NCKAP5: variants seen among roughly 807,000 people sequenced by gnomAD.
NCKAP5 encodes the protein nck-associated protein 5.
Under a neutral mutation model 167.0 loss-of-function variants are expected in NCKAP5, and 92 were observed. That is an observed-to-expected ratio of 0.55 (90% CI 0.47 to 0.66). The LOEUF (loss-of-function observed/expected upper bound fraction) is 0.66. NCKAP5 is among the 30% of genes least tolerant of loss of function. NCKAP5 has a pLI of 0.00. For missense variants in NCKAP5, 2,378 were observed against 2,315.0 expected (o/e 1.03, Z -0.56); for synonymous variants, 891 against 877.4 (o/e 1.02, Z -0.27).
intron 5 of NCKAP5, among the ~76,000 whole-genome samples, chr2:133,148,458 T>G (rs2083277123): frequency 6.6e-6 from 1 of 152,306 alleles, no homozygotes; most frequent in South Asian, 2.1e-4. Context: ...ACTTTTGCTT[T>G]TCTTAAAGTG....
chr2:132,993,970 A>G (rs2077518492), intron 7 of NCKAP5, among the ~76,000 whole-genome samples, 182 bp downstream of exon 7: 1 of 152,256 alleles, frequency 6.6e-6, no homozygotes, highest in Admixed American at 6.5e-5. Flanking sequence ...GTAGGAGTTT[A>G]TGAAATGAAT....
At chr2:133,318,181 A>C (rs1681749806) in intron 3 of NCKAP5, among the ~76,000 whole-genome samples, 1 of 152,190 alleles carries the variant, frequency 6.6e-6, no homozygotes, top group Admixed American at 6.5e-5. Flanking sequence ...GTCAATTGCC[A>C]ATCATACAGG....
At chr2:132,882,975 T>C (rs1691886724) in intron 8 of NCKAP5, among the ~76,000 whole-genome samples, 1 of 152,034 alleles carries the variant, frequency 6.6e-6, no homozygotes. Flanking sequence ...GGAGGATCCC[T>C]TGAGCCCAGG....
At chr2:132,907,919 A>G (rs896575384) in intron 8 of NCKAP5, among the ~76,000 whole-genome samples, 6 of 152,018 alleles carry the variant, frequency 3.9e-5, no homozygotes, top group Non-Finnish European at 7.4e-5. Flanking sequence ...ATCCTCCCAA[A>G]GTGCTGGGAT....
intron 4 of NCKAP5, among the ~76,000 whole-genome samples, chr2:133,288,633 A>G (rs890911457): frequency 6.6e-6 from 1 of 151,904 alleles, no homozygotes; most frequent in East Asian, 1.9e-4. Context: ...ATTATTCAAT[A>G]GAATAATTTC....
intron 8 of NCKAP5, among the ~76,000 whole-genome samples, chr2:132,912,763 A>G (rs1694553272): frequency 6.6e-6 from 1 of 152,202 alleles, no homozygotes; most frequent in African/African-American, 2.4e-5. Context: ...TTTCAGCAGG[A>G]ACACGATAGC....
the NCKAP5 span, among the ~76,000 whole-genome samples, chr2:133,597,235 G>A: frequency 6.6e-6 from 1 of 152,194 alleles, no homozygotes; most frequent in East Asian, 1.9e-4. Context: ...AACTGCACCA[G>A]TGTGACCTGG....
At chr2:133,588,453 TCCTTCCTTCCTC>T in the NCKAP5 span, among the ~76,000 whole-genome samples, 5 of 129,520 alleles carry the variant, frequency 3.9e-5, no homozygotes, top group Non-Finnish European at 8.4e-5. Context: ...CCTAATTCAT[TCCTTCCTTCCTC>T]CCTTCCTTCC....
chr2:133,307,652 T>G (rs570591469), intron 3 of NCKAP5, among the ~76,000 whole-genome samples: 6 of 152,134 alleles, frequency 3.9e-5, no homozygotes, highest in Non-Finnish European at 8.8e-5. Flanking sequence ...ATTAAGTAGC[T>G]CCTATATAAC....
chr2:133,533,995 G>T (rs1685563781), intron 2 of NCKAP5, among the ~76,000 whole-genome samples: 1 of 152,058 alleles, frequency 6.6e-6, no homozygotes, highest in Non-Finnish European at 1.5e-5. Flanking sequence ...GTCACATATG[G>T]ATATTTTGAC....
chr2:132,730,835 A>T (rs889157249), intron 17 of NCKAP5, among the ~76,000 whole-genome samples: 1 of 152,234 alleles, frequency 6.6e-6, no homozygotes, highest in Non-Finnish European at 1.5e-5. Flanking sequence ...TGGAATGAGC[A>T]GAAGTTTGTG....
intron 2 of NCKAP5, among the ~76,000 whole-genome samples, chr2:133,523,840 C>T (rs1176924028): frequency 2.6e-5 from 4 of 151,644 alleles, no homozygotes; most frequent in African/African-American, 9.8e-5. Flanking sequence ...AAATAACAAA[C>T]ACAGTAAGTT....
intron 11 of NCKAP5, among the ~76,000 whole-genome samples, chr2:132,831,167 C>T (rs61322635): frequency 0.085 from 13,006 of 152,240 alleles, 863 homozygotes; most frequent in African/African-American, 0.18. Flanking sequence ...CTCCATCACA[C>T]GGAAGAACCA....
intron 6 of NCKAP5, among the ~76,000 whole-genome samples, chr2:133,109,328 C>G (rs2081830930): frequency 6.6e-6 from 1 of 152,132 alleles, no homozygotes; most frequent in Non-Finnish European, 1.5e-5. Context: ...ATAACATGTA[C>G]TACTGAAAAA....
intron 6 of NCKAP5, among the ~76,000 whole-genome samples, chr2:133,025,409 C>A (rs1273348127): frequency 6.6e-6 from 1 of 152,180 alleles, no homozygotes; most frequent in Non-Finnish European, 1.5e-5. Context: ...ACGATCATGT[C>A]ATTCAATGAA....
At chr2:132,801,397 T>G (rs778721877) in intron 11 of NCKAP5, among the ~76,000 whole-genome samples, 1 of 152,264 alleles carries the variant, frequency 6.6e-6, no homozygotes, top group South Asian at 2.1e-4. Context: ...AACATGCATG[T>G]TTCTATGTAT....
intron 6 of NCKAP5, among the ~76,000 whole-genome samples, chr2:133,012,181 C>T (rs2078181934): frequency 6.6e-6 from 1 of 152,226 alleles, no homozygotes; most frequent in Admixed American, 6.5e-5. Context: ...TCACGTTTTT[C>T]CTCAACAAAT....
the NCKAP5 span, among the ~76,000 whole-genome samples, chr2:133,638,577 T>C: frequency 4.6e-5 from 7 of 152,146 alleles, no homozygotes; most frequent in Non-Finnish European, 1.0e-4. Flanking sequence ...AAAGTTTCCT[T>C]GGCTGGGGGC....
At chr2:133,256,030 T>C (rs72846322) in intron 4 of NCKAP5, among the ~76,000 whole-genome samples, 4,523 of 152,134 alleles carry the variant, frequency 0.03, 100 homozygotes, top group South Asian at 0.048. Context: ...TATTTCAAAG[T>C]GGAAGGAATG....
Sources: gnomAD v4.1 joint callset for allele counts (sites outside exome capture counted in the v4.1 genomes callset) on GRCh38, gnomAD v4.1.1 for gene constraint, MANE v1.5 for transcripts, NCBI Gene and HGNC (gene_info 2026-07-23, HGNC 2026-07-21) for gene names.